ASPM: variants seen among roughly 807,000 people sequenced by gnomAD.
The protein encoded by ASPM is abnormal spindle-like microcephaly-associated protein.
In ASPM, 256 loss-of-function variants were observed where a neutral mutation model predicts 366.4. The observed-to-expected ratio is 0.70, with a 90% CI of 0.63 to 0.77. ASPM has a LOEUF of 0.77. ASPM is among the 30% of genes least tolerant of loss of function. The probability of loss-of-function intolerance (pLI) is 0.00; values close to 1 mark genes in which losing one functional copy is unlikely to be tolerated. For missense variants in ASPM, 4,146 were observed against 4,090.4 expected (o/e 1.01, Z -0.37); for synonymous variants, 1,414 against 1,342.9 (o/e 1.05, Z -1.16).
At chr1:197,091,130 A>C in intron 22 of ASPM, 89 bp from the exon 23 acceptor site, 1 of 1,104,066 alleles carries the variant, frequency 9.1e-7, no homozygotes, top group Non-Finnish European at 1.3e-6. Context: ...TAAATGAAAG[A>C]AATAGAACAG....
In ASPM at chr1:197,132,311, G is replaced by A. The variant is rs1392220356; in HGVS notation, c.2461C>T (p.Pro821Ser). The A allele has an allele frequency of 4.3e-6, 7 of 1,612,980 alleles. 1 individual carries two copies. The South Asian group carries it at 7.7e-5, about 18-fold the overall frequency. Residue 821 changes from proline (P) to serine (S), a missense_variant, in exon 7 of 28, where the codon CCT becomes TCT. This residue lies in a region of ASPM where 3,624 missense variants were observed against 3,591.7 expected (regional missense o/e 1.01). Transcript: ENST00000367409. The stretch of plus-strand genomic sequence containing the variant: ...TCTAGACCAATTCGAAGCCACAAAG[G>A]ATTGTAGGACAACAGCCAATTCAGG... ...KVLNWLLSYN[P>S]LWLRIGLETT...
Position 197,094,099 on chromosome 1 carries a change from G to C in ASPM, c.9069C>G (p.His3023Gln), listed in dbSNP as rs1656884008. 6.3e-7 allele frequency: 1 copy of C among 1,587,678 alleles called. No individual in the cohort carries two copies. Among genetic ancestry groups the C allele is most frequent in the Non-Finnish European group, 8.6e-7 (1 of 1,160,526 alleles). Residue 3023 changes from histidine to glutamine, a missense_variant, in exon 20 of 28, where the codon CAC becomes CAG. Coordinates refer to ENST00000367409, the MANE Select transcript of ASPM (RefSeq NM_018136.5). ...AILPAKIAHE[H>Q]FLMIKRHRAA... ...TAATACCTACTTTTATCATTAAGAA[G>C]TGTTCATGAGCTATCTTTGCAGGAA...
rs1421240589 is a variant in ASPM, at chr1:197,101,425, T to C, written c.7826A>G (p.Gln2609Arg). 3.1e-6 allele frequency: 5 copies of C among 1,608,740 alleles called. No homozygotes were observed. In the East Asian group the frequency reaches 8.9e-5, roughly 29 times the overall value. ...TATGTTCATGTCCTGAAAACCTGCC[T>C]GAACACAAGTCTCTTTCTTAAGTTC... ...HNELKKETCV[Q>R]AGFQDMNIKK... Residue 2609 changes from glutamine to arginine, a missense_variant, in exon 18 of 28, where the codon CAG becomes CGG. This residue lies in a region of ASPM where 3,624 missense variants were observed against 3,591.7 expected (regional missense o/e 1.01). Coordinates refer to ENST00000367409, the MANE Select transcript of ASPM (RefSeq NM_018136.5).
Position 197,091,037 on chromosome 1 carries a change from C to A in ASPM, c.9449G>T (p.Trp3150Leu). 2.5e-6 allele frequency: 4 copies of A among 1,608,104 alleles called. No homozygotes were observed. Among genetic ancestry groups the A allele is most frequent in the Non-Finnish European group, 3.4e-6 (4 of 1,175,790 alleles). ...QVNSVICIQR[W>L]FRARLQEKRF... ...CTTTTCTTGTAATCTTGCTCGAAAC[C>A]ATCTCTGTTTAAAACATAGAATTTT... The change falls in exon 23 of 28, where the codon TGG becomes TTG. Residue 3150 changes from tryptophan to leucine, a missense_variant. Physicochemically the swap from Trp to Leu is moderately conservative, Grantham distance 61. Transcript: ENST00000367409.
intron 25 of ASPM, among the ~76,000 whole-genome samples, chr1:197,089,266 T>C (rs1656697113): frequency 6.6e-6 from 1 of 151,974 alleles, no homozygotes; most frequent in Non-Finnish European, 1.5e-5. Flanking sequence ...AAGTTGTCAC[T>C]GAAAGGTTGA....
Position 197,122,224 on chromosome 1 carries a change from C to A in ASPM, c.3676G>T (p.Asp1226Tyr), listed in dbSNP as rs765348667. 1.9e-6 allele frequency: 3 copies of A among 1,612,572 alleles called. No homozygotes were observed. The highest frequency in any genetic ancestry group is 2.5e-6 in the Non-Finnish European group (3 of 1,178,880). Reference sequence around the variant, plus strand: ...ATCATAGCAGGTATTCCACCAAGGTCTCTAACTGCAGACCTAACCAAGTGA... The same window carrying A: ...ATCATAGCAGGTATTCCACCAAGGTATCTAACTGCAGACCTAACCAAGTGA... ...NFHLVRSAVR[D>Y]LGGIPAMINH... The change falls in exon 15 of 28, where the codon GAC (aspartate) becomes TAC (tyrosine). Residue 1226 changes from aspartate (D) to tyrosine (Y), a missense_variant. Coordinates refer to ENST00000367409, the MANE Select transcript of ASPM (RefSeq NM_018136.5).
intron 17 of ASPM, among the ~76,000 whole-genome samples, chr1:197,113,611 GA>G (rs1408025509): frequency 2.6e-5 from 4 of 151,778 alleles, no homozygotes; most frequent in Non-Finnish European, 5.9e-5. Context: ...AGAAGATAAA[GA>G]AACACTCCTT....
intron 4 of ASPM, chr1:197,138,759 G>A (rs565061397): frequency 2.8e-6 from 2 of 722,014 alleles, no homozygotes; most frequent in East Asian, 2.5e-5. Flanking sequence ...TATTTCTTAC[G>A]ATGTTTGTCT....
chr1:197,137,654 C>T (rs1185138115), intron 4 of ASPM, among the ~76,000 whole-genome samples: 1 of 152,116 alleles, frequency 6.6e-6, no homozygotes, highest in African/African-American at 2.4e-5. Flanking sequence ...CCAACTTCTG[C>T]ATTATCAGTA....
In ASPM at chr1:197,103,441, C is replaced by T; in HGVS notation, c.5810G>A (p.Gly1937Glu). 6.2e-7 allele frequency: 1 copy of T among 1,613,346 alleles called. No individual in the cohort carries two copies. Among genetic ancestry groups the T allele is most frequent in the East Asian group, 2.2e-5 (1 of 44,844 alleles). Residue 1937 changes from glycine (G) to glutamate (E), a missense_variant, in exon 18 of 28, where the codon GGA becomes GAA. Transcript: ENST00000367409. Reference sequence around the variant, plus strand: ...AATATACTCCATACATTGCTTCCTTCCTGCAGTCCATGCTCTGAAATTTTG... The same window carrying T: ...AATATACTCCATACATTGCTTCCTTTCTGCAGTCCATGCTCTGAAATTTTG... ...IQQNFRAWTA[G>E]RKQCMEYIEL... is the part of the protein sequence containing the mutation.
At position 197,086,921 on chromosome 1, in the gene ASPM, G is replaced by A; in HGVS notation, c.10213C>T (p.Leu3405Phe). ...TTCATTTTATGTTTATGAGCTGTAA[G>A]TTTGTAGAGACTGTAAATACGGTCA... ...VVDRIYSLYKLTAHKHKMNTE... is the reference protein window; with the variant it reads ...VVDRIYSLYKFTAHKHKMNTE... The change falls in exon 27 of 28, where the codon CTT becomes TTT. Residue 3405 changes from leucine (L) to phenylalanine (F), a missense_variant. Coordinates refer to ENST00000367409, the MANE Select transcript of ASPM (RefSeq NM_018136.5). 2.5e-6 allele frequency: 4 copies of A among 1,611,402 alleles called. No individual in the cohort carries two copies. The highest frequency in any genetic ancestry group is 1.3e-5 in the African/African-American group (1 of 74,994).
At position 197,088,319 on chromosome 1, in the gene ASPM, T is replaced by C. The variant is rs1656664460; in HGVS notation, c.10098A>G (p.Gly3366=). The change falls in exon 26 of 28, where the codon GGA becomes GGG. Residue 3366 remains glycine, a synonymous_variant. Transcript: ENST00000367409. The part of the protein sequence containing the change: ...KPGNKVADKG[G]SIFTKTCCLL... ...AACAACAAGTTTTTGTAAAAATGCT[T>C]CCGCCTTTGTCTGCAACTTTATTAC... The C allele has an allele frequency of 1.9e-6, 3 of 1,613,444 alleles. No homozygotes were observed. Among genetic ancestry groups the C allele is most frequent in the Non-Finnish European group, 2.5e-6 (3 of 1,179,748 alleles).
intron 16 of ASPM, among the ~76,000 whole-genome samples, chr1:197,119,081 A>G (rs984256786): frequency 6.6e-5 from 10 of 152,210 alleles, no homozygotes; most frequent in Admixed American, 3.9e-4. Context: ...GGAAACAACT[A>G]TGGAAATAAT....
Position 197,102,763 on chromosome 1 carries a change from T to C in ASPM, c.6488A>G (p.Tyr2163Cys). 1 of 1,612,644 alleles carries C rather than the reference T, an allele frequency of 6.2e-7. No individual in the cohort carries two copies. ...TTTAACAGCTTTCAAAATTGTCAGG[T>C]ACTTTTCACGCTGCATTTTACCTTG... is the stretch of plus-strand genomic sequence containing the variant. ...YYQGKMQREK[Y>C]LTILKAVKVL... Residue 2163 changes from tyrosine (Y) to cysteine (C), a missense_variant, in exon 18 of 28, where the codon TAC (tyrosine) becomes TGC (cysteine). Physicochemically the swap from Tyr to Cys is radical, Grantham distance 194. Around this residue, in one of 3 missense-constraint regions of ASPM, gnomAD observed 3,624 missense variants for 3,591.7 expected, o/e 1.01. Transcript: ENST00000367409.
rs369393071 is a variant in ASPM at position 197,093,044 on chromosome 1, A to T, written c.9294+8T>A. On this transcript the variant is annotated splice_region_variant and intron_variant, in intron 21 of 27. Transcript: ENST00000367409. ...TAAGAATGAGATATGCTACTTGAAAATACTTACTCTTTTTCGTACTAGCCA... is the reference window on the plus strand; with the variant it reads ...TAAGAATGAGATATGCTACTTGAAATTACTTACTCTTTTTCGTACTAGCCA... The T allele has an allele frequency of 6.3e-7, 1 of 1,592,062 alleles. No individual in the cohort carries two copies. The highest frequency in any genetic ancestry group is 8.6e-7 in the Non-Finnish European group (1 of 1,161,562).
chr1:197,102,781 T>G lies in ASPM; in HGVS notation c.6470A>C (p.Lys2157Thr). 1.9e-6 allele frequency: 3 copies of G among 1,612,460 alleles called. No homozygotes were observed. In the Admixed American group the frequency reaches 5.0e-5, roughly 27 times the overall value. ...QVRCRAYYQG[K>T]MQREKYLTIL... The stretch of plus-strand genomic sequence containing the variant: ...TGTCAGGTACTTTTCACGCTGCATT[T>G]TACCTTGATAATATGCTCTACATCT... Residue 2157 changes from lysine (K) to threonine (T), a missense_variant, in exon 18 of 28, where the codon AAA (lysine) becomes ACA (threonine). Transcript: ENST00000367409.
rs200178088 is a variant in ASPM at position 197,104,270 on chromosome 1, T to G, written c.4981A>C (p.Lys1661Gln). 7.4e-5 allele frequency: 119 copies of G among 1,612,920 alleles called. 1 individual carries two copies. Among genetic ancestry groups the G allele is most frequent in the Non-Finnish European group, 9.5e-5 (112 of 1,179,442 alleles). Residue 1661 changes from lysine to glutamine, a missense_variant, in exon 18 of 28, where the codon AAG (lysine) becomes CAG (glutamine). Physicochemically the swap from Lys to Gln is moderately conservative, Grantham distance 53. Transcript: ENST00000367409. ...MYIHILTSVI[K>Q]IQSYYRAYVS... ...TAAGCACGATAATATGATTGAATCT[T>G]TATAACAGATGTGAGGATGTGAATA...
At chr1:197,135,623 C>CTTTTTTTTTTTTTTTT (rs778898963) in intron 4 of ASPM, among the ~76,000 whole-genome samples, 10 of 69,796 alleles carry the variant, frequency 1.4e-4, no homozygotes, top group African/African-American at 2.8e-4. Context: ...AAATATCTGT[C>CTTTTTTTTTTTTTTTT]TTTTTTTTTT....
At chr1:197,100,201 T>C (rs1657107190) in intron 18 of ASPM, among the ~76,000 whole-genome samples, 1 of 151,750 alleles carries the variant, frequency 6.6e-6, no homozygotes, top group Non-Finnish European at 1.5e-5. Flanking sequence ...CATACTGAAA[T>C]GCACCACACA....
Sources: allele counts gnomAD v4.1 joint callset (sites outside exome capture counted in the v4.1 genomes callset), GRCh38; gene constraint gnomAD v4.1.1; regional missense constraint gnomAD v4.1.1; transcripts MANE v1.5; gene names NCBI Gene and HGNC (gene_info 2026-07-23, HGNC 2026-07-21).